G3BP1: variants seen among roughly 807,000 people sequenced by gnomAD.
G3BP1 encodes the protein ras GTPase-activating protein-binding protein 1.
In G3BP1, 35 loss-of-function variants were observed where a neutral mutation model predicts 58.6. The ratio of observed to expected loss-of-function variants is 0.60; its 90% CI spans 0.46 to 0.79. The LOEUF (loss-of-function observed/expected upper bound fraction) is 0.79. Among genes scored for constraint, G3BP1 ranks in the 30% least tolerant of loss-of-function variants. The pLI is 0.00. For synonymous variants in G3BP1, 191 were observed against 195.4 expected (o/e 0.98, Z 0.19); for missense variants, 523 against 580.8 (o/e 0.90, Z 1.02).
intron 10 of G3BP1, 25 bp downstream of exon 10, chr5:151,800,371 A>G (rs761573350): frequency 6.3e-7 from 1 of 1,582,388 alleles, no homozygotes; most frequent in Admixed American, 1.7e-5. Flanking sequence ...TTTGAACACT[A>G]AATTCATCTA....
At chr5:151,788,408 TC>T (rs141267435) in intron 2 of G3BP1, among the ~76,000 whole-genome samples, 2 of 151,456 alleles carry the variant, frequency 1.3e-5, no homozygotes, top group Non-Finnish European at 2.9e-5. Context: ...ACCCTTTCTT[TC>T]TTTTTTTTTG....
chr5:151,789,497 A>G (rs913800741), intron 2 of G3BP1, among the ~76,000 whole-genome samples: 1 of 152,236 alleles, frequency 6.6e-6, no homozygotes, highest in East Asian at 1.9e-4. Context: ...TCAAAGGAGG[A>G]CATAGATGGG....
At chr5:151,775,210 A>G (rs749491657) in intron 1 of G3BP1, among the ~76,000 whole-genome samples, 1 of 152,208 alleles carries the variant, frequency 6.6e-6, no homozygotes, top group South Asian at 2.1e-4. Context: ...TATCTTAGGT[A>G]CTTAATCAAA....
intron 4 of G3BP1, chr5:151,792,062 C>A (rs1480285076): frequency 2.2e-6 from 1 of 456,020 alleles, no homozygotes; most frequent in Admixed American, 2.4e-5. Flanking sequence ...TTGCACTGTT[C>A]CTGGCCCAGT....
intron 5 of G3BP1, among the ~76,000 whole-genome samples, chr5:151,794,931 G>A (rs374465701): frequency 6.6e-6 from 1 of 152,222 alleles, no homozygotes; most frequent in South Asian, 2.1e-4. Context: ...AGGTGACAGA[G>A]CCTGCATTAG....
Position 151,790,859 on chromosome 5 carries a change from GATT to G in G3BP1, c.178-11_178-9del, listed in dbSNP as rs553894843. 3.1e-3 allele frequency: 3,962 copies of G among 1,274,396 alleles called. 1 individual carries two copies. Among genetic ancestry groups the G allele is most frequent in the Non-Finnish European group, 3.7e-3 (3,408 of 910,372 alleles). The allele number at this position is 1,274,396 out of a possible 1,614,324, so 78.9% of individuals were successfully genotyped here. On this transcript the variant is annotated intron_variant, in intron 3 of 11. Transcript: ENST00000356245. ...TTTAAATTTTAAGGCATTCTCAGTT[GATT>G]ATTATTATTATTATTATTTTTTTAA...
rs544733584 is a variant in G3BP1 at position 151,789,024 on chromosome 5, C to T, written c.96-1299C>T. Reference sequence around the variant, plus strand: ...TTCCGACTTCAGGTGATCCGCCCACCTTGGCCTCCCAAAGTGTTGGGATTA... The same window carrying T: ...TTCCGACTTCAGGTGATCCGCCCACTTTGGCCTCCCAAAGTGTTGGGATTA... On this transcript the variant is annotated intron_variant, in intron 2 of 11. Coordinates refer to ENST00000356245, the MANE Select transcript of G3BP1 (RefSeq NM_005754.3). Among the ~76,000 whole-genome samples the T allele has an allele frequency of 8.5e-5, 13 of 152,266 alleles. No individual in the cohort carries two copies. The South Asian group carries it at 2.7e-3, about 32-fold the overall frequency.
Position 151,804,325 on chromosome 5 carries a change from C to G in G3BP1, c.*234C>G, listed in dbSNP as rs1488244958. ...GGAATGATATTTTAGGAATAACGGA[C>G]TTTTAAAGAAGCAAAAAAAAAGACT... is the stretch of plus-strand genomic sequence containing the variant. On this transcript the variant is annotated 3_prime_UTR_variant, in exon 12 of 12. Transcript: ENST00000356245. 8.3e-6 allele frequency: 3 copies of G among 360,186 alleles called. No homozygotes were observed. Among genetic ancestry groups the G allele is most frequent in the Admixed American group, 4.8e-5 (1 of 20,892 alleles). 22.3% of individuals were successfully genotyped at this position (360,186 alleles called of 1,614,324 possible). A position where few individuals can be genotyped will look rare whatever the true frequency, so the allele number is the denominator to read the frequency against.
intron 1 of G3BP1, among the ~76,000 whole-genome samples, chr5:151,780,318 C>T (rs1268237902): frequency 6.6e-6 from 1 of 152,094 alleles, no homozygotes; most frequent in South Asian, 2.1e-4. Context: ...TATATACATT[C>T]TACTAATCTT....
chr5:151,804,232 T>G lies in G3BP1; in HGVS notation c.*141T>G. The G allele has an allele frequency of 1.8e-6, 1 of 547,794 alleles. No individual in the cohort carries two copies. Among genetic ancestry groups the G allele is most frequent in the African/African-American group, 1.9e-5 (1 of 52,064 alleles). The allele number at this position is 547,794 out of a possible 1,614,324, so 33.9% of individuals were successfully genotyped here. ...TGTATAATTTTACTTTTTTTGTGTG[T>G]TAATGGTGTGTGCTCCCTCTCCCTC... On this transcript the variant is annotated 3_prime_UTR_variant, in exon 12 of 12. Transcript: ENST00000356245.
intron 1 of G3BP1, among the ~76,000 whole-genome samples, chr5:151,782,887 T>G (rs1436988862): frequency 6.2e-5 from 8 of 129,068 alleles, no homozygotes; most frequent in Admixed American, 3.6e-4. Context: ...AGATGGACTC[T>G]CGCTCTGTCG....
At chr5:151,792,851 G>C (rs1182543849) in intron 4 of G3BP1, among the ~76,000 whole-genome samples, 1 of 152,172 alleles carries the variant, frequency 6.6e-6, no homozygotes, top group East Asian at 1.9e-4. Context: ...CTGGGCTTAA[G>C]CAGTTCTCCT....
chr5:151,788,570 ATATGTGTGTGTGTGTGTGTGTG>A (rs1224040583), intron 2 of G3BP1, among the ~76,000 whole-genome samples: 1 of 93,126 alleles, frequency 1.1e-5, no homozygotes, highest in East Asian at 3.2e-4. Flanking sequence ...AGCTAAGTTT[ATATGTGTGTGTGTGTGTGTGTG>A]TGTGTGTGTG....
At position 151,797,096 on chromosome 5, in the gene G3BP1, C is replaced by T. The variant is rs184943146; in HGVS notation, c.540-131C>T. 2.9e-3 allele frequency: 2,252 copies of T among 787,256 alleles called. 6 individuals carry two copies. The highest frequency in any genetic ancestry group is 3.9e-3 in the Non-Finnish European group (1,931 of 488,990). The allele number at this position is 787,256 out of a possible 1,614,324, so 48.8% of individuals were successfully genotyped here. ...CTTTTTAAAAACTCAGATAGATATA[C>T]AATTCTTAGATTTTTGTTTTGGATA... On this transcript the variant is annotated intron_variant, in intron 6 of 11. Coordinates refer to ENST00000356245, the MANE Select transcript of G3BP1 (RefSeq NM_005754.3).
intron 4 of G3BP1, chr5:151,791,863 G>A (rs957777630): frequency 5.1e-5 from 16 of 314,508 alleles, no homozygotes; most frequent in Admixed American, 8.8e-5. Context: ...CACCATATTC[G>A]TCAGGCTGGT....
At position 151,808,738 on chromosome 5, in the gene G3BP1, C is replaced by CA. The variant is rs1289194459; in HGVS notation, c.*4648dup. The CA allele has an allele frequency of 6.6e-6, 1 of 152,040 alleles. No individual in the cohort carries two copies. The highest frequency in any genetic ancestry group is 1.5e-5 in the Non-Finnish European group (1 of 68,028). The allele number at this position is 152,040 out of a possible 1,614,324, so 9.4% of individuals were successfully genotyped here. On this transcript the variant is annotated 3_prime_UTR_variant, in exon 12 of 12. Coordinates refer to ENST00000356245, the MANE Select transcript of G3BP1 (RefSeq NM_005754.3). ...TTTTAAGTAAATTAAGGATGTTTAC[C>CA]AGAAATTATTGATTTACTGAACCAA...
chr5:151,777,586 A>T (rs1170168734), intron 1 of G3BP1, among the ~76,000 whole-genome samples: 1 of 152,190 alleles, frequency 6.6e-6, no homozygotes, highest in Non-Finnish European at 1.5e-5. Flanking sequence ...GTACTGCCTG[A>T]TAATTTCAGA....
intron 1 of G3BP1, among the ~76,000 whole-genome samples, chr5:151,780,957 C>A (rs1762460390): frequency 6.6e-6 from 1 of 152,032 alleles, no homozygotes; most frequent in Non-Finnish European, 1.5e-5. Context: ...TACAGTTGAA[C>A]CATGAACAAA....
Position 151,795,538 on chromosome 5 carries a change from G to T in G3BP1, c.502G>T (p.Asp168Tyr). The stretch of plus-strand genomic sequence containing the variant: ...ACAGCAAACACCTGAGGTGGTACCT[G>T]ATGATTCTGGAACTTTCTATGATCA... ...ERQQTPEVVP[D>Y]DSGTFYDQAV... Residue 168 changes from aspartate to tyrosine, a missense_variant, in exon 6 of 12, where the codon GAT becomes TAT. Transcript: ENST00000356245. 1.2e-6 allele frequency: 2 copies of T among 1,606,794 alleles called. No individual in the cohort carries two copies. Among genetic ancestry groups the T allele is most frequent in the South Asian group, 1.1e-5 (1 of 90,798 alleles).
Sources: allele counts gnomAD v4.1 joint callset (sites outside exome capture counted in the v4.1 genomes callset), GRCh38; gene constraint gnomAD v4.1.1; transcripts MANE v1.5; gene names NCBI Gene and HGNC (gene_info 2026-07-23, HGNC 2026-07-21).